Variants in KDM5C observed in about 807,000 individuals in gnomAD.
KDM5C encodes lysine demethylase 5C, also known as lysine-specific demethylase 5C.
A neutral mutation model predicts 110.6 loss-of-function variants in KDM5C; 16 were observed. The observed-to-expected ratio is 0.14, with a 90% CI of 0.10 to 0.22. KDM5C has a LOEUF of 0.22. Among genes scored for constraint, KDM5C ranks in the 10% least tolerant of loss-of-function variants. The probability of loss-of-function intolerance (pLI) is 1.00; values close to 1 mark genes in which losing one functional copy is unlikely to be tolerated. For missense variants in KDM5C, 681 were observed against 1,300.9 expected, an observed-to-expected ratio of 0.52 and a Z score of 7.33; for synonymous variants, 511 against 520.4, an observed-to-expected ratio of 0.98 and a Z score of 0.24.
At position 53,195,878 on chromosome X, in the gene KDM5C, G is replaced by A. The variant is rs201074222; in HGVS notation, c.3120+38C>T. ...GTGTATATGCCATCTCTTCCCAGCT[G>A]GACTGAAGGCCTGGGGTGGGAGTGG... On this transcript the variant is annotated intron_variant, in intron 20 of 25. Transcript: ENST00000375401. The A allele has an allele frequency of 2.1e-3, 2,481 of 1,193,433 alleles. 7 individuals carry two copies. The highest frequency in any genetic ancestry group is 0.011 in the South Asian group (628 of 54,964).
In KDM5C at chrX:53,225,080, C is replaced by G. The variant is rs1469050170; in HGVS notation, c.-191G>C. ...GAGTCTCAGGCTGACTCTACTGCTA[C>G]CGCCTCTTCGTCCCGCTCCGTTTCT... is the stretch of plus-strand genomic sequence containing the variant. On this transcript the variant is annotated 5_prime_UTR_variant, in exon 1 of 26. Coordinates refer to ENST00000375401, the MANE Select transcript of KDM5C (RefSeq NM_004187.5). The G allele has an allele frequency of 8.8e-6, 4 of 452,737 alleles. No homozygotes were observed. The highest frequency in any genetic ancestry group is 7.4e-5 in the African/African-American group (3 of 40,432). 37.3% of individuals were successfully genotyped at this position (452,737 alleles called of 1,213,427 possible).
At position 53,201,709 on chromosome X, in the gene KDM5C, G is replaced by T. The variant is rs373931846; in HGVS notation, c.1902C>A (p.Arg634=). The change falls in exon 14 of 26, where the codon CGC becomes CGA. Residue 634 remains arginine, a synonymous_variant. Transcript: ENST00000375401. ...AGAAGACGCAGTATCTCCGGAGCCG[G>T]CGGTAGTGCTCAATGCACTGGCGCC... is the stretch of plus-strand genomic sequence containing the variant. The part of the protein sequence containing the change: ...PAGRQCIEHY[R]RLRRYCVFSH... 41 of 1,210,607 alleles carry T rather than the reference G, an allele frequency of 3.4e-5. No individual in the cohort carries two copies. Among genetic ancestry groups the T allele is most frequent in the African/African-American group, 5.2e-5 (3 of 57,331 alleles).
intron 8 of KDM5C, among the ~76,000 whole-genome samples, chrX:53,213,284 C>A (rs1220760495): frequency 9.0e-6 from 1 of 111,710 alleles, no homozygotes; most frequent in Non-Finnish European, 1.9e-5. Context: ...TGTTGGTATC[C>A]AAACTCCTCC....
rs2146865412 is a variant in KDM5C, at chrX:53,201,634, G to T, written c.1977C>A (p.Asp659Glu). The T allele has an allele frequency of 1.7e-6, 2 of 1,212,105 alleles. No individual in the cohort carries two copies. Among genetic ancestry groups the T allele is most frequent in the Non-Finnish European group, 2.2e-6 (2 of 895,566 alleles). Residue 659 changes from aspartate (D) to glutamate (E), a missense_variant, in exon 14 of 26, where the codon GAC becomes GAA. Around this residue, in one of 14 missense-constraint regions of KDM5C, gnomAD observed 42 missense variants for 98.9 expected, o/e 0.42. Transcript: ENST00000375401. ...CKMAACPEKL[D>E]LNLAAAVHKE... ...TATGCACAGCTGCCGCCAGGTTCAG[G>T]TCTAGCTTCTCTGGGCAGGCAGCCA...
chrX:53,178,470 A>G, intron 25 of KDM5C, among the ~76,000 whole-genome samples: 1 of 112,308 alleles, frequency 8.9e-6, no homozygotes, highest in Admixed American at 9.5e-5. Context: ...ACAACAATAA[A>G]TACATATTGC....
chrX:53,193,975 C>T (rs1934622373), intron 23 of KDM5C, 124 bp from the exon 24 acceptor site: 1 of 934,372 alleles, frequency 1.1e-6, no homozygotes, highest in Admixed American at 2.6e-5. Flanking sequence ...CACAGGCTGC[C>T]AGCAGGGAGC....
intron 5 of KDM5C, 98 bp from the exon 6 acceptor site, chrX:53,216,295 T>C: frequency 8.9e-7 from 1 of 1,125,515 alleles, no homozygotes; most frequent in Non-Finnish European, 1.2e-6. Context: ...CCTGATCTCA[T>C]GCTGAGGGCT....
intron 14 of KDM5C, 90 bp downstream of exon 14, chrX:53,201,460 C>G: frequency 1.1e-6 from 1 of 889,042 alleles, no homozygotes; most frequent in Non-Finnish European, 1.7e-6. Context: ...CACTATACGC[C>G]AAGAGTAGAG....
chrX:53,220,708 G>A, intron 2 of KDM5C, 131 bp downstream of exon 2: 2 of 572,033 alleles, frequency 3.5e-6, no homozygotes, highest in Non-Finnish European at 6.0e-6. Flanking sequence ...CTAAAGTAAT[G>A]CAATTTCACA....
chrX:53,211,429 T>C (rs782006903), intron 10 of KDM5C, 68 bp downstream of exon 10: 1 of 1,081,126 alleles, frequency 9.2e-7, no homozygotes, highest in African/African-American at 1.8e-5. Context: ...AGATACTGAG[T>C]TTTTCAGATA....
At chrX:53,183,564 CT>C (rs374560612) in intron 25 of KDM5C, among the ~76,000 whole-genome samples, 60 of 102,443 alleles carry the variant, frequency 5.9e-4, no homozygotes, top group African/African-American at 1.4e-3. Flanking sequence ...TTTTTCATTT[CT>C]TTTTTTTTTC....
intron 1 of KDM5C, 27 bp from the exon 2 acceptor site, chrX:53,220,943 CTTGAG>C: frequency 8.8e-7 from 1 of 1,138,448 alleles, no homozygotes; most frequent in South Asian, 1.8e-5. Context: ...GGGAAAGGGA[CTTGAG>C]TTATCTCAGC....
intron 18 of KDM5C, 29 bp downstream of exon 18, chrX:53,197,742 T>C: frequency 9.0e-7 from 1 of 1,115,827 alleles, no homozygotes; most frequent in Non-Finnish European, 1.2e-6. Flanking sequence ...GTCCCCTTGA[T>C]CCCTCATCAG....
At chrX:53,192,054 C>G (rs1602154702), downstream of KDM5C, 1 of 122,595 alleles carries the variant, frequency 8.2e-6, no homozygotes, top group African/African-American at 3.6e-5. Context: ...CCCAGAGCTC[C>G]CTGGCTTCAG....
chrX:53,210,359 C>A, intron 12 of KDM5C, 55 bp downstream of exon 12: 1 of 1,193,339 alleles, frequency 8.4e-7, no homozygotes, highest in South Asian at 1.8e-5. Flanking sequence ...ACCACCATCA[C>A]AAAGGACATC....
intron 12 of KDM5C, 172 bp from the exon 13 acceptor site, chrX:53,202,145 AG>A (rs2073160062): frequency 1.9e-6 from 1 of 518,108 alleles, no homozygotes; most frequent in Admixed American, 3.1e-5. Context: ...TCTGCTCTCA[AG>A]GTTTTGATGT....
chrX:53,223,209 C>G (rs1178184897), intron 1 of KDM5C, among the ~76,000 whole-genome samples: 3 of 111,600 alleles, frequency 2.7e-5, no homozygotes, highest in East Asian at 2.8e-4. Flanking sequence ...TCAACTACCC[C>G]CTACGTCAGC....
chrX:53,210,320 G>A (rs1338545094), intron 12 of KDM5C, 94 bp downstream of exon 12: 1 of 1,086,715 alleles, frequency 9.2e-7, no homozygotes, highest in Admixed American at 2.3e-5. Context: ...AAGGCCAGGG[G>A]CAGAATACAG....
rs782179560 is a variant in KDM5C, at chrX:53,193,275, G to A, written c.4375C>T (p.Arg1459Trp). The part of the protein sequence containing the change: ...RARGRALERR[R>W]RRKVDRGGEG... ...CCACCCCGATCCACCTTCCGCCGCC[G>A]CCGCCTCTCCAGGGCCCGGCCCCGA... The change falls in exon 26 of 26, where the codon CGG becomes TGG. Residue 1459 changes from arginine (R) to tryptophan (W), a missense_variant. Arg to Trp is a moderately radical substitution (Grantham distance 101). Transcript: ENST00000375401. The A allele has an allele frequency of 4.1e-6, 5 of 1,206,930 alleles. No individual in the cohort carries two copies. The highest frequency in any genetic ancestry group is 3.5e-5 in the African/African-American group (2 of 56,975).
Sources: gnomAD v4.1 joint callset for allele counts (sites outside exome capture counted in the v4.1 genomes callset) on GRCh38, gnomAD v4.1.1 for gene constraint, gnomAD v4.1.1 regional missense constraint, MANE v1.5 for transcripts, NCBI Gene and HGNC (gene_info 2026-07-23, HGNC 2026-07-21) for gene names.